The following STT3B variants were observed in gnomAD, a reference collection of about 807,000 sequenced individuals.
STT3B encodes dolichyl-diphosphooligosaccharide--protein glycosyltransferase subunit STT3B.
A neutral mutation model predicts 96.8 loss-of-function variants in STT3B; 29 were observed. The ratio of observed to expected loss-of-function variants is 0.30; its 90% CI spans 0.22 to 0.41. STT3B has a LOEUF of 0.41. STT3B is among the 10% of genes least tolerant of loss of function. The pLI, the probability that STT3B is intolerant of heterozygous loss-of-function variation, is 1.00. For synonymous variants in STT3B, 367 were observed against 360.0 expected, an observed-to-expected ratio of 1.02 and a Z score of -0.22; for missense variants, 640 against 1,022.3, an observed-to-expected ratio of 0.63 and a Z score of 5.10.
chr3:31,588,867 T>C (rs1164499509), intron 3 of STT3B, among the ~76,000 whole-genome samples: 1 of 152,064 alleles, frequency 6.6e-6, no homozygotes, highest in Non-Finnish European at 1.5e-5. Context: ...TGTTTGTTCT[T>C]TTCCCACACT....
At chr3:31,561,852 G>A (rs1025522789) in intron 1 of STT3B, among the ~76,000 whole-genome samples, 1 of 151,922 alleles carries the variant, frequency 6.6e-6, no homozygotes, top group Non-Finnish European at 1.5e-5. Flanking sequence ...TATTGATTCT[G>A]TGTGTGTGTG....
chr3:31,610,522 G>C (rs755971090), intron 5 of STT3B, among the ~76,000 whole-genome samples: 48 of 152,152 alleles, frequency 3.2e-4, no homozygotes, highest in Non-Finnish European at 5.9e-4. Context: ...AGATTGCTTT[G>C]GGGAACAGCA....
At chr3:31,631,722 G>T (rs1021336293) in intron 14 of STT3B, among the ~76,000 whole-genome samples, 1 of 151,956 alleles carries the variant, frequency 6.6e-6, no homozygotes, top group Non-Finnish European at 1.5e-5. Flanking sequence ...TAGGTGGGAG[G>T]ATTGCTTCAG....
chr3:31,591,162 C>A (rs1157887114), intron 3 of STT3B, among the ~76,000 whole-genome samples: 1 of 151,832 alleles, frequency 6.6e-6, no homozygotes, highest in Admixed American at 6.6e-5. Flanking sequence ...GTTTTAGGTC[C>A]CTGTATACTT....
intron 3 of STT3B, among the ~76,000 whole-genome samples, chr3:31,580,886 A>G (rs904926221): frequency 6.6e-6 from 1 of 151,900 alleles, no homozygotes; most frequent in African/African-American, 2.4e-5. Context: ...GTGCTGCTGT[A>G]CTTATCAAAA....
intron 4 of STT3B, among the ~76,000 whole-genome samples, chr3:31,599,518 G>A (rs1698877582): frequency 6.6e-6 from 1 of 152,094 alleles, no homozygotes; most frequent in Non-Finnish European, 1.5e-5. Context: ...CTCCACAAGG[G>A]GTTCTGAAAT....
chr3:31,629,941 G>A (rs1699619872), intron 14 of STT3B, among the ~76,000 whole-genome samples: 1 of 152,198 alleles, frequency 6.6e-6, no homozygotes, highest in Non-Finnish European at 1.5e-5. Context: ...GTGCAAAGAG[G>A]CATTGTGGCA....
chr3:31,582,480 AG>A (rs1698431568), intron 3 of STT3B, among the ~76,000 whole-genome samples: 2 of 151,526 alleles, frequency 1.3e-5, no homozygotes. Context: ...TTTTTAGTAG[AG>A]ATGGATTTTC....
At chr3:31,589,392 A>C (rs947982656) in intron 3 of STT3B, among the ~76,000 whole-genome samples, 5 of 152,034 alleles carry the variant, frequency 3.3e-5, no homozygotes, top group African/African-American at 1.2e-4. Flanking sequence ...TGCACGAAAA[A>C]AAGTCAGCTT....
chr3:31,628,169 A>G (rs556429368), intron 13 of STT3B, among the ~76,000 whole-genome samples: 32 of 147,620 alleles, frequency 2.2e-4, no homozygotes, highest in South Asian at 1.8e-3. Flanking sequence ...GCATATTTCA[A>G]AACATGGTGT....
At chr3:31,589,989 A>AG (rs1221407117) in intron 3 of STT3B, among the ~76,000 whole-genome samples, 2 of 152,030 alleles carry the variant, frequency 1.3e-5, no homozygotes, top group Non-Finnish European at 2.9e-5. Flanking sequence ...CATGTGGACC[A>AG]GGGAAGATTT....
At chr3:31,597,327 T>C (rs1243780355) in intron 4 of STT3B, among the ~76,000 whole-genome samples, 2 of 151,838 alleles carry the variant, frequency 1.3e-5, no homozygotes, top group Non-Finnish European at 2.9e-5. Context: ...GCCTGGCTAA[T>C]TTTTGTATTT....
chr3:31,621,977 A>G (rs965091684), intron 9 of STT3B, 120 bp from the exon 10 acceptor site: 25 of 691,056 alleles, frequency 3.6e-5, no homozygotes, highest in Middle Eastern at 7.7e-4. Flanking sequence ...TTTAGAAACA[A>G]TTAGATCGTT....
intron 5 of STT3B, among the ~76,000 whole-genome samples, chr3:31,613,661 A>G (rs953938634): frequency 1.3e-3 from 38 of 28,730 alleles, no homozygotes; most frequent in African/African-American, 2.8e-3. Flanking sequence ...TTTAGTATGC[A>G]TGGTTCTTTT....
At chr3:31,624,569 G>C (rs1322979056) in intron 11 of STT3B, among the ~76,000 whole-genome samples, 3 of 151,994 alleles carry the variant, frequency 2.0e-5, no homozygotes, top group African/African-American at 7.3e-5. Context: ...AAGAACAGCT[G>C]ATTTATGTAT....
Position 31,592,006 on chromosome 3 carries a change from A to G in STT3B, c.712-4792A>G, listed in dbSNP as rs567370436. ...AAAATTTATGTTTTAATCATTAAGT[A>G]TATACTTTATTGGCATTAAGTACAT... On this transcript the variant is annotated intron_variant, in intron 3 of 15. Coordinates refer to ENST00000295770, the MANE Select transcript of STT3B (RefSeq NM_178862.3). Among the ~76,000 whole-genome samples, 82 of 152,286 alleles carry G rather than the reference A, an allele frequency of 5.4e-4. 1 individual carries two copies. The highest frequency in any genetic ancestry group is 5.2e-3 in the Admixed American group (79 of 15,268).
intron 3 of STT3B, 77 bp downstream of exon 3, chr3:31,580,173 TTGTC>T (rs1377568734): frequency 1.8e-5 from 26 of 1,441,746 alleles, no homozygotes; most frequent in Middle Eastern, 2.5e-4. Context: ...GTACGCAGAT[TTGTC>T]TTTTACAAAT....
chr3:31,598,257 A>G (rs1020914428), intron 4 of STT3B, among the ~76,000 whole-genome samples: 1 of 152,222 alleles, frequency 6.6e-6, no homozygotes, highest in Non-Finnish European at 1.5e-5. Flanking sequence ...TTTAGATGAA[A>G]TAAGTTTTTA....
intron 1 of STT3B, among the ~76,000 whole-genome samples, chr3:31,548,395 C>G (rs888229973): frequency 1.3e-5 from 2 of 151,902 alleles, no homozygotes; most frequent in South Asian, 2.1e-4. Context: ...CCCTGTTTTA[C>G]AAATGACTCA....
Sources: allele counts gnomAD v4.1 joint callset (sites outside exome capture counted in the v4.1 genomes callset), GRCh38; gene constraint gnomAD v4.1.1; transcripts MANE v1.5; gene names NCBI Gene and HGNC (gene_info 2026-07-23, HGNC 2026-07-21).